The following TBL1XR1 variants were observed in gnomAD, a reference collection of about 807,000 sequenced individuals.
TBL1XR1 encodes TBL1X/Y related 1, also known as F-box-like/WD repeat-containing protein TBL1XR1.
Under a neutral mutation model 66.9 loss-of-function variants are expected in TBL1XR1, and 5 were observed. The observed-to-expected ratio is 0.07, with a 90% CI of 0.04 to 0.16. The LOEUF (loss-of-function observed/expected upper bound fraction) is 0.16. TBL1XR1 is among the 10% of genes least tolerant of loss of function. TBL1XR1 has a pLI of 1.00. For synonymous variants in TBL1XR1, 210 were observed against 206.0 expected, an observed-to-expected ratio of 1.02 and a Z score of -0.17; for missense variants, 238 against 623.2, an observed-to-expected ratio of 0.38 and a Z score of 6.58.
At chr3:177,026,513 CA>C in intron 14 of TBL1XR1, 39 bp from the exon 15 acceptor site, 2 of 1,411,006 alleles carry the variant, frequency 1.4e-6, no homozygotes, top group East Asian at 2.5e-5. Context: ...AATCGTAATA[CA>C]TATTATAATA....
chr3:177,033,427 T>C (rs1385620837), intron 13 of TBL1XR1, among the ~76,000 whole-genome samples: 1 of 152,184 alleles, frequency 6.6e-6, no homozygotes, highest in African/African-American at 2.4e-5. Context: ...AACGTAAATG[T>C]GCTCATTTAC....
chr3:177,054,508 A>G (rs1717559308), intron 3 of TBL1XR1, among the ~76,000 whole-genome samples: 1 of 152,172 alleles, frequency 6.6e-6, no homozygotes, highest in Non-Finnish European at 1.5e-5. Flanking sequence ...CTACGTAGTT[A>G]TAATTCAATA....
chr3:177,116,938 C>T (rs1726378337), intron 1 of TBL1XR1, among the ~76,000 whole-genome samples: 1 of 152,178 alleles, frequency 6.6e-6, no homozygotes, highest in African/African-American at 2.4e-5. Context: ...TGTCAATCCA[C>T]CCAGTCTGAA....
In TBL1XR1 at chr3:177,046,151, C is replaced by T. The variant is rs759693951; in HGVS notation, c.903G>A (p.Lys301=). The T allele has an allele frequency of 1.3e-6, 2 of 1,541,072 alleles. No individual in the cohort carries two copies. Among genetic ancestry groups the T allele is most frequent in the Admixed American group, 2.1e-5 (1 of 48,306 alleles). The change falls in exon 10 of 16, where the codon AAG becomes AAA. Residue 301 remains lysine (K), a synonymous_variant. Transcript: ENST00000457928. ...IIWDAHTGEA[K]QQFPFHSAPA... Reference sequence around the variant, plus strand: ...TACCTGAATGAAAAGGAAACTGTTGCTTGGCTTCACCAGTATGTGCGTCCC... The same window carrying T: ...TACCTGAATGAAAAGGAAACTGTTGTTTGGCTTCACCAGTATGTGCGTCCC...
chr3:177,069,108 T>C (rs1719541481), intron 2 of TBL1XR1, among the ~76,000 whole-genome samples: 1 of 152,214 alleles, frequency 6.6e-6, no homozygotes, highest in Non-Finnish European at 1.5e-5. Flanking sequence ...CTGTGTCATC[T>C]ATAAAATGAG....
At chr3:177,168,105 A>T (rs988076527) in intron 1 of TBL1XR1, among the ~76,000 whole-genome samples, 2 of 152,154 alleles carry the variant, frequency 1.3e-5, no homozygotes, top group African/African-American at 4.8e-5. Context: ...AAATATATAA[A>T]CAATATACAT....
chr3:177,138,005 G>A (rs558629253), intron 1 of TBL1XR1, among the ~76,000 whole-genome samples: 11 of 152,258 alleles, frequency 7.2e-5, no homozygotes, highest in South Asian at 4.2e-4. Flanking sequence ...GTTGCAAAGC[G>A]AGTAGATGTC....
intron 2 of TBL1XR1, among the ~76,000 whole-genome samples, chr3:177,084,065 G>A (rs533299943): frequency 7.1e-6 from 1 of 141,728 alleles, no homozygotes; most frequent in Non-Finnish European, 1.5e-5. Flanking sequence ...TCCAGCCTGG[G>A]AGACAGGGCG....
At chr3:177,066,530 G>A (rs1259420855) in intron 2 of TBL1XR1, among the ~76,000 whole-genome samples, 3 of 152,262 alleles carry the variant, frequency 2.0e-5, no homozygotes, top group South Asian at 2.1e-4. Flanking sequence ...ACTATATTCA[G>A]GAGGACCTTC....
intron 1 of TBL1XR1, among the ~76,000 whole-genome samples, chr3:177,177,708 A>T (rs1734323132): frequency 1.3e-5 from 2 of 152,204 alleles, no homozygotes; most frequent in South Asian, 4.1e-4. Context: ...ATAAGGATGA[A>T]CCAATTTAAG....
At chr3:177,151,122 GA>G (rs1351453267) in intron 1 of TBL1XR1, among the ~76,000 whole-genome samples, 15 of 152,326 alleles carry the variant, frequency 9.8e-5, no homozygotes, top group Admixed American at 9.8e-4. Flanking sequence ...GTGGTGAAGA[GA>G]AAGTTGAGTC....
Position 177,082,738 on chromosome 3 carries a change from T to TTTTATA in TBL1XR1, c.-46+15727_-46+15728insTATAAA, listed in dbSNP as rs1450061640. ...TATTACTAAATTTCTAAGATAGAGA[T>TTTTATA]TATATATATATATATATATATATAT... On this transcript the variant is annotated intron_variant, in intron 2 of 15. Transcript: ENST00000457928. Among the ~76,000 whole-genome samples, 236 of 63,224 alleles carry TTTTATA rather than the reference T, an allele frequency of 3.7e-3. 13 individuals carry two copies. The highest frequency in any genetic ancestry group is 0.011 in the Middle Eastern group (1 of 92). 41.5% of individuals were successfully genotyped at this position (63,224 alleles called of 152,430 possible).
At chr3:177,060,502 G>A (rs1348430646) in intron 3 of TBL1XR1, among the ~76,000 whole-genome samples, 1 of 152,144 alleles carries the variant, frequency 6.6e-6, no homozygotes, top group Non-Finnish European at 1.5e-5. Flanking sequence ...TCTTAGACAT[G>A]TAATAGTTAA....
intron 1 of TBL1XR1, among the ~76,000 whole-genome samples, chr3:177,168,790 T>A (rs1023627154): frequency 3.9e-5 from 6 of 152,238 alleles, no homozygotes; most frequent in African/African-American, 1.4e-4. Flanking sequence ...GAATTACATT[T>A]ACTTATTAAG....
intron 3 of TBL1XR1, among the ~76,000 whole-genome samples, chr3:177,056,213 G>A (rs1717786635): frequency 6.6e-6 from 1 of 152,192 alleles, no homozygotes; most frequent in African/African-American, 2.4e-5. Context: ...TTTGTTTGAA[G>A]TACATGATTT....
intron 9 of TBL1XR1, among the ~76,000 whole-genome samples, chr3:177,046,848 G>C (rs1716393558): frequency 6.6e-6 from 1 of 152,152 alleles, no homozygotes; most frequent in South Asian, 2.1e-4. Context: ...TTAGGAGGAA[G>C]AAGGTCCTAT....
intron 1 of TBL1XR1, among the ~76,000 whole-genome samples, chr3:177,185,619 C>A (rs1210305752): frequency 3.5e-5 from 5 of 140,982 alleles, no homozygotes; most frequent in African/African-American, 5.1e-5. Flanking sequence ...AAAAAAAAAA[C>A]CAGTATTTTC....
intron 1 of TBL1XR1, among the ~76,000 whole-genome samples, chr3:177,156,186 A>G (rs1215660328): frequency 8.0e-5 from 7 of 87,650 alleles, no homozygotes; most frequent in African/African-American, 1.8e-4. Context: ...AAAAAAAAAA[A>G]GGCACGAAAG....
intron 1 of TBL1XR1, among the ~76,000 whole-genome samples, chr3:177,167,342 G>T (rs1188118117): frequency 6.6e-6 from 1 of 152,194 alleles, no homozygotes; most frequent in Non-Finnish European, 1.5e-5. Flanking sequence ...GGGAAGGGAT[G>T]AATAGGTGAA....
Sources: gnomAD v4.1 joint callset for allele counts (sites outside exome capture counted in the v4.1 genomes callset) on GRCh38, gnomAD v4.1.1 for gene constraint, MANE v1.5 for transcripts, NCBI Gene and HGNC (gene_info 2026-07-23, HGNC 2026-07-21) for gene names.